PTPRD: variants seen among roughly 807,000 people sequenced by gnomAD.
PTPRD encodes the protein receptor-type tyrosine-protein phosphatase delta.
In PTPRD, 34 loss-of-function variants were observed where a neutral mutation model predicts 214.5. The ratio of observed to expected loss-of-function variants is 0.16; its 90% CI spans 0.12 to 0.21. The LOEUF (loss-of-function observed/expected upper bound fraction) is 0.21, where lower values mean the gene tolerates loss of function less well. Among genes scored for constraint, PTPRD ranks in the 10% least tolerant of loss-of-function variants. The pLI is 1.00. For missense variants in PTPRD, 2,545 were observed against 2,398.7 expected, an observed-to-expected ratio of 1.06 and a Z score of -1.27; for synonymous variants, 1,128 against 845.7, an observed-to-expected ratio of 1.33 and a Z score of -5.79.
At chr9:9,328,455 C>G (rs941218049) in intron 9 of PTPRD, among the ~76,000 whole-genome samples, 1 of 151,676 alleles carries the variant, frequency 6.6e-6, no homozygotes, top group African/African-American at 2.4e-5. Flanking sequence ...TATTATATTT[C>G]TTTAAACTCA....
intron 10 of PTPRD, among the ~76,000 whole-genome samples, chr9:9,126,001 G>C (rs1306772982): frequency 6.6e-6 from 1 of 152,126 alleles, no homozygotes; most frequent in African/African-American, 2.4e-5. Flanking sequence ...GGGTGCTCCA[G>C]GTACAGAATG....
At chr9:8,457,709 C>G (rs763446079) in intron 33 of PTPRD, among the ~76,000 whole-genome samples, 20 of 151,972 alleles carry the variant, frequency 1.3e-4, no homozygotes, top group Non-Finnish European at 2.6e-4. Flanking sequence ...AGTGGATTAT[C>G]AATATAATGT....
intron 5 of PTPRD, among the ~76,000 whole-genome samples, chr9:9,919,421 G>C (rs559720551): frequency 1.0e-3 from 155 of 152,188 alleles, no homozygotes; most frequent in African/African-American, 3.5e-3. Context: ...CATTTTTGCA[G>C]AAGCTTTTCA....
At chr9:8,757,641 T>TAC (rs1555282190) in intron 11 of PTPRD, among the ~76,000 whole-genome samples, 17 of 141,876 alleles carry the variant, frequency 1.2e-4, no homozygotes, top group East Asian at 7.9e-4. Flanking sequence ...TATATATATA[T>TAC]ACATACATAT....
At chr9:8,549,014 G>A (rs2081190724) in intron 14 of PTPRD, among the ~76,000 whole-genome samples, 1 of 151,968 alleles carries the variant, frequency 6.6e-6, no homozygotes, top group South Asian at 2.1e-4. Context: ...TTTGAACCAA[G>A]GAAGTAAAAG....
chr9:9,700,609 G>T (rs2097480161), intron 7 of PTPRD, among the ~76,000 whole-genome samples: 1 of 152,102 alleles, frequency 6.6e-6, no homozygotes, highest in Non-Finnish European at 1.5e-5. Flanking sequence ...GCAAATGAAA[G>T]ATCAGAAATT....
chr9:9,719,710 G>A (rs577192226), intron 7 of PTPRD, among the ~76,000 whole-genome samples: 3 of 152,288 alleles, frequency 2.0e-5, no homozygotes, highest in African/African-American at 7.2e-5. Flanking sequence ...TGGGATCCCC[G>A]ACCTCAGGGC....
chr9:8,607,193 A>T (rs2095258657), intron 14 of PTPRD, among the ~76,000 whole-genome samples: 1 of 152,208 alleles, frequency 6.6e-6, no homozygotes, highest in Non-Finnish European at 1.5e-5. Context: ...CACCACAAAA[A>T]ATATAACTAG....
chr9:10,307,301 C>G (rs1465038749), intron 3 of PTPRD, among the ~76,000 whole-genome samples: 2 of 152,098 alleles, frequency 1.3e-5, no homozygotes, highest in African/African-American at 4.8e-5. Flanking sequence ...TTTTAGCTCT[C>G]ACATATGAGT....
chr9:9,137,829 G>C (rs890029494), intron 10 of PTPRD, among the ~76,000 whole-genome samples: 1 of 152,094 alleles, frequency 6.6e-6, no homozygotes, highest in African/African-American at 2.4e-5. Flanking sequence ...AGGGAATAAA[G>C]TTGTTCTTTA....
rs543784949 is a variant in PTPRD at position 8,781,505 on chromosome 9, G to A, written c.-103-47559C>T. ...CTGAAAACAGAAGGCAGGTTTTAAA[G>A]TAAGAGTACAACTCATTAGTATAGG... On this transcript the variant is annotated intron_variant, in intron 11 of 45. Transcript: ENST00000381196. Among the ~76,000 whole-genome samples the A allele has an allele frequency of 4.6e-5, 7 of 152,294 alleles. No individual in the cohort carries two copies. The East Asian group carries it at 1.2e-3, about 25-fold the overall frequency.
At chr9:8,373,159 T>C (rs1348521978) in intron 39 of PTPRD, among the ~76,000 whole-genome samples, 1 of 152,036 alleles carries the variant, frequency 6.6e-6, no homozygotes, top group African/African-American at 2.4e-5. Context: ...CTAGCATTTC[T>C]GGGATGCTAC....
intron 5 of PTPRD, among the ~76,000 whole-genome samples, chr9:9,810,426 G>C (rs2046790186): frequency 6.6e-6 from 1 of 152,014 alleles, no homozygotes; most frequent in African/African-American, 2.4e-5. Flanking sequence ...AATGCAGCTG[G>C]TGACCATAGG....
chr9:10,251,214 G>C (rs1375536972), intron 3 of PTPRD, among the ~76,000 whole-genome samples: 1 of 152,016 alleles, frequency 6.6e-6, no homozygotes, highest in Non-Finnish European at 1.5e-5. Context: ...TATGTGACCA[G>C]CACTATGCTA....
chr9:10,400,685 A>G (rs1366294703), intron 2 of PTPRD, among the ~76,000 whole-genome samples: 1 of 151,648 alleles, frequency 6.6e-6, no homozygotes, highest in East Asian at 1.9e-4. Context: ...TCTAAAAAAA[A>G]TAATAATAAT....
At chr9:9,532,835 T>C (rs1382232008) in intron 8 of PTPRD, among the ~76,000 whole-genome samples, 1 of 152,170 alleles carries the variant, frequency 6.6e-6, no homozygotes, top group Non-Finnish European at 1.5e-5. Flanking sequence ...TCAAATTATC[T>C]TCATAATAAC....
At chr9:9,836,987 A>G (rs1431794162) in intron 5 of PTPRD, among the ~76,000 whole-genome samples, 1 of 152,176 alleles carries the variant, frequency 6.6e-6, no homozygotes, top group East Asian at 1.9e-4. Flanking sequence ...TGTGGTATTA[A>G]TTGAAGATAA....
At chr9:9,615,856 A>G (rs1189691905) in intron 7 of PTPRD, among the ~76,000 whole-genome samples, 2 of 152,324 alleles carry the variant, frequency 1.3e-5, no homozygotes, top group Non-Finnish European at 2.9e-5. Context: ...GAGCCAAGTG[A>G]TAGAGTTGGG....
intron 4 of PTPRD, among the ~76,000 whole-genome samples, chr9:10,024,823 T>C (rs1354711666): frequency 3.0e-5 from 4 of 131,310 alleles, no homozygotes; most frequent in African/African-American, 1.2e-4. Context: ...ATGTTCCCCT[T>C]CCTGTGTCCA....
Sources: gnomAD v4.1 joint callset for allele counts (sites outside exome capture counted in the v4.1 genomes callset) on GRCh38, gnomAD v4.1.1 for gene constraint, MANE v1.5 for transcripts, NCBI Gene and HGNC (gene_info 2026-07-23, HGNC 2026-07-21) for gene names.